Variants in SP100 observed in about 807,000 individuals in gnomAD.
SP100 encodes the protein nuclear autoantigen Sp-100.
Under a neutral mutation model 130.0 loss-of-function variants are expected in SP100, and 84 were observed. The observed-to-expected ratio is 0.65, with a 90% CI of 0.54 to 0.77. The LOEUF (loss-of-function observed/expected upper bound fraction) is 0.77. SP100 is among the 30% of genes least tolerant of loss of function. The probability of loss-of-function intolerance (pLI) is 0.00; values close to 1 mark genes in which losing one functional copy is unlikely to be tolerated. For missense variants in SP100, 978 were observed against 1,052.2 expected, an observed-to-expected ratio of 0.93 and a Z score of 0.97; for synonymous variants, 331 against 351.7, an observed-to-expected ratio of 0.94 and a Z score of 0.66.
chr2:230,459,288 C>CCTTG (rs2064453888), intron 8 of SP100, among the ~76,000 whole-genome samples: 1 of 152,110 alleles, frequency 6.6e-6, no homozygotes, highest in Admixed American at 6.5e-5. Flanking sequence ...CAAATCAAGA[C>CCTTG]ATTCTCTGAT....
chr2:230,523,777 C>T (rs781436647), intron 24 of SP100, among the ~76,000 whole-genome samples: 15 of 151,628 alleles, frequency 9.9e-5, no homozygotes, highest in African/African-American at 2.7e-4. Flanking sequence ...GGCATGGTGG[C>T]GGGTGCCTAT....
At chr2:230,526,509 C>T (rs1007275090) in intron 24 of SP100, among the ~76,000 whole-genome samples, 2 of 152,186 alleles carry the variant, frequency 1.3e-5, no homozygotes, top group African/African-American at 4.8e-5. Flanking sequence ...CTCTTCTCCT[C>T]CAAAGGATTG....
At chr2:230,447,401 G>C (rs568823685) in intron 5 of SP100, among the ~76,000 whole-genome samples, 13 of 152,184 alleles carry the variant, frequency 8.5e-5, no homozygotes, top group Admixed American at 2.0e-4. Context: ...TTGAATTCTG[G>C]CACTAATTGC....
chr2:230,424,209 G>A (rs1270906430), intron 2 of SP100, among the ~76,000 whole-genome samples: 1 of 152,136 alleles, frequency 6.6e-6, no homozygotes, highest in Non-Finnish European at 1.5e-5. Context: ...GAATTTGAAG[G>A]CCAGACCAAA....
At chr2:230,483,725 C>T (rs1044438667) in intron 17 of SP100, among the ~76,000 whole-genome samples, 3 of 152,042 alleles carry the variant, frequency 2.0e-5, no homozygotes, top group African/African-American at 2.4e-5. Context: ...AATGCAGATA[C>T]GTGTGGGTAT....
intron 2 of SP100, among the ~76,000 whole-genome samples, chr2:230,442,507 A>AT (rs1301177458): frequency 6.6e-6 from 1 of 152,106 alleles, no homozygotes; most frequent in Non-Finnish European, 1.5e-5. Flanking sequence ...AGGACATGTT[A>AT]TTTTCATCTT....
chr2:230,499,832 C>T (rs1315522109), intron 19 of SP100, among the ~76,000 whole-genome samples: 1 of 152,080 alleles, frequency 6.6e-6, no homozygotes, highest in African/African-American at 2.4e-5. Context: ...AGGTCCATCT[C>T]CTGCTTAGAT....
intron 24 of SP100, among the ~76,000 whole-genome samples, chr2:230,513,347 G>A (rs1260762857): frequency 1.3e-5 from 2 of 152,144 alleles, no homozygotes; most frequent in East Asian, 3.8e-4. Flanking sequence ...GGGTCACTGG[G>A]TTATGCATTA....
chr2:230,523,188 A>G (rs1048583879), intron 24 of SP100, among the ~76,000 whole-genome samples: 6 of 152,330 alleles, frequency 3.9e-5, no homozygotes, highest in Admixed American at 1.3e-4. Context: ...ACCAGATAAC[A>G]TATCCGGGCA....
At chr2:230,539,444 C>T in intron 25 of SP100, 62 bp downstream of exon 25, 1 of 1,087,444 alleles carries the variant, frequency 9.2e-7, no homozygotes, top group Non-Finnish European at 1.4e-6. Context: ...CCTCCTGCCA[C>T]TCATGAGTAC....
At chr2:230,525,248 T>C (rs1691366997) in intron 24 of SP100, among the ~76,000 whole-genome samples, 3 of 152,194 alleles carry the variant, frequency 2.0e-5, no homozygotes, top group Admixed American at 2.0e-4. Context: ...GTAATTTTTT[T>C]CCCTGTTTCC....
At chr2:230,450,470 G>A (rs551315046) in intron 8 of SP100, among the ~76,000 whole-genome samples, 34 of 152,182 alleles carry the variant, frequency 2.2e-4, no homozygotes, top group African/African-American at 6.7e-4. Context: ...ATTACCTCAC[G>A]TACTTATCAT....
At chr2:230,522,509 CTTGCACTG>C (rs527976519) in intron 24 of SP100, among the ~76,000 whole-genome samples, 1,315 of 94,804 alleles carry the variant, frequency 0.014, 21 homozygotes, top group African/African-American at 0.052. Context: ...GAGACAGAGT[CTTGCACTG>C]TCACACTGTC....
intron 13 of SP100, 159 bp from the exon 14 acceptor site, chr2:230,468,884 G>A (rs1281996990): frequency 6.4e-6 from 3 of 467,936 alleles, no homozygotes; most frequent in Admixed American, 8.0e-5. Flanking sequence ...GTGGGTCTGT[G>A]CTCCATTTGA....
At chr2:230,532,438 C>A (rs1691742546) in intron 24 of SP100, among the ~76,000 whole-genome samples, 1 of 151,730 alleles carries the variant, frequency 6.6e-6, no homozygotes, top group Non-Finnish European at 1.5e-5. Flanking sequence ...ATTGGCCTAT[C>A]CTTAAGGAAA....
At chr2:230,445,257 T>A (rs960586447) in intron 4 of SP100, among the ~76,000 whole-genome samples, 2 of 152,196 alleles carry the variant, frequency 1.3e-5, no homozygotes, top group Non-Finnish European at 2.9e-5. Flanking sequence ...CCCACACAGT[T>A]TAATCTCAAC....
intron 5 of SP100, 143 bp downstream of exon 5, chr2:230,447,045 G>A (rs2063742143): frequency 1.7e-6 from 1 of 573,670 alleles, no homozygotes; most frequent in African/African-American, 1.9e-5. Context: ...ACCAGGTGCA[G>A]GGTCCTGGAG....
chr2:230,523,413 T>C (rs1187863060), intron 24 of SP100, among the ~76,000 whole-genome samples: 1 of 152,228 alleles, frequency 6.6e-6, no homozygotes. Context: ...ACGCCTATAA[T>C]TCCAGCACTT....
intron 2 of SP100, among the ~76,000 whole-genome samples, chr2:230,436,955 TACAC>T (rs373796827): frequency 1.5e-5 from 2 of 133,284 alleles, no homozygotes; most frequent in African/African-American, 2.8e-5. Flanking sequence ...TATATGTGTA[TACAC>T]ACACATATAT....
Sources: allele counts gnomAD v4.1 joint callset (sites outside exome capture counted in the v4.1 genomes callset), GRCh38; gene constraint gnomAD v4.1.1; transcripts MANE v1.5; gene names NCBI Gene and HGNC (gene_info 2026-07-23, HGNC 2026-07-21).